Variants in DSCAM observed in about 807,000 individuals in gnomAD.
DSCAM encodes cell adhesion molecule DSCAM.
Under a neutral mutation model 217.7 loss-of-function variants are expected in DSCAM, and 47 were observed. The observed-to-expected ratio is 0.22, with a 90% CI of 0.17 to 0.28. The LOEUF is 0.28. Ranked by LOEUF, DSCAM falls within the 10% of genes least tolerant of loss-of-function variation. DSCAM has a pLI of 1.00. For synonymous variants in DSCAM, 1,056 were observed against 1,015.3 expected, an observed-to-expected ratio of 1.04 and a Z score of -0.76; for missense variants, 2,080 against 2,618.3, an observed-to-expected ratio of 0.79 and a Z score of 4.49.
chr21:40,239,192 G>C (rs1167835302), intron 11 of DSCAM, among the ~76,000 whole-genome samples: 1 of 152,006 alleles, frequency 6.6e-6, no homozygotes, highest in Non-Finnish European at 1.5e-5. Flanking sequence ...TAAATACCCG[G>C]ATACTTAAAG....
chr21:40,173,278 T>C (rs2090679012), intron 15 of DSCAM, among the ~76,000 whole-genome samples: 1 of 152,128 alleles, frequency 6.6e-6, no homozygotes, highest in Non-Finnish European at 1.5e-5. Context: ...TGAATTTTAA[T>C]AGGGTGGCCA....
chr21:40,300,189 T>G (rs2073999244), intron 9 of DSCAM, among the ~76,000 whole-genome samples: 1 of 152,196 alleles, frequency 6.6e-6, no homozygotes, highest in Non-Finnish European at 1.5e-5. Context: ...TCCCTTGGTG[T>G]GTAGAGCACC....
At chr21:40,504,274 T>C (rs1197677833) in intron 3 of DSCAM, among the ~76,000 whole-genome samples, 1 of 152,178 alleles carries the variant, frequency 6.6e-6, no homozygotes, top group Non-Finnish European at 1.5e-5. Flanking sequence ...ACCAAGTCTG[T>C]ACCAGGGATG....
chr21:40,760,766 A>G (rs1543291), intron 1 of DSCAM, among the ~76,000 whole-genome samples: 101,968 of 152,084 alleles, frequency 0.67, 34,397 homozygotes, highest in South Asian at 0.75. Context: ...CTCATGCCAT[A>G]TCTCTGGCTA....
chr21:40,266,639 A>C (rs1394069646), intron 11 of DSCAM, among the ~76,000 whole-genome samples: 1 of 108,728 alleles, frequency 9.2e-6, no homozygotes, highest in Non-Finnish European at 1.7e-5. Flanking sequence ...GATGTTTTAT[A>C]TATATATATA....
intron 3 of DSCAM, among the ~76,000 whole-genome samples, chr21:40,685,882 G>T (rs140345885): frequency 1.9e-3 from 289 of 152,234 alleles, no homozygotes; most frequent in African/African-American, 6.6e-3. Context: ...GCATTGTATT[G>T]TGGGAGAGGA....
intron 3 of DSCAM, among the ~76,000 whole-genome samples, chr21:40,398,637 C>CTTTTTT (rs538905441): frequency 1.5e-5 from 2 of 132,108 alleles, no homozygotes; most frequent in Non-Finnish European, 1.6e-5. Flanking sequence ...TTTTTTCTTT[C>CTTTTTT]TTTTTTTTTT....
chr21:40,362,339 T>C (rs1240241448), intron 4 of DSCAM, among the ~76,000 whole-genome samples: 1 of 152,216 alleles, frequency 6.6e-6, no homozygotes, highest in African/African-American at 2.4e-5. Context: ...TGCTTGTCCA[T>C]GTCATCATTT....
chr21:40,187,487 A>T (rs189797903), intron 13 of DSCAM, among the ~76,000 whole-genome samples: 1 of 152,350 alleles, frequency 6.6e-6, no homozygotes, highest in East Asian at 1.9e-4. Context: ...CCAAGCCTGG[A>T]GGATATAAAA....
At chr21:40,136,747 A>G (rs1466261648) in intron 18 of DSCAM, among the ~76,000 whole-genome samples, 1 of 152,082 alleles carries the variant, frequency 6.6e-6, no homozygotes, top group Non-Finnish European at 1.5e-5. Flanking sequence ...GGATCATTTC[A>G]CAATATAGGA....
At chr21:40,532,866 CTCTGTGTGTGTG>C (rs1163474575) in intron 3 of DSCAM, among the ~76,000 whole-genome samples, 3 of 103,778 alleles carry the variant, frequency 2.9e-5, no homozygotes, top group South Asian at 3.6e-4. Flanking sequence ...AGCCACAAGG[CTCTGTGTGTGTG>C]TGTGTGTGTG....
intron 32 of DSCAM, among the ~76,000 whole-genome samples, chr21:40,017,626 C>CGCCACA (rs1349689681): frequency 5.3e-5 from 8 of 150,788 alleles, no homozygotes; most frequent in African/African-American, 2.0e-4. Context: ...CAACTCGGTT[C>CGCCACA]GCCACAACCT....
chr21:40,798,447 A>G (rs1028856030), intron 1 of DSCAM, among the ~76,000 whole-genome samples: 62 of 152,258 alleles, frequency 4.1e-4, no homozygotes, highest in African/African-American at 1.4e-3. Context: ...GATTATACAT[A>G]CCTTTTAAAA....
At chr21:40,053,343 A>G (rs2088963637) in intron 29 of DSCAM, among the ~76,000 whole-genome samples, 1 of 152,188 alleles carries the variant, frequency 6.6e-6, no homozygotes, top group African/African-American at 2.4e-5. Context: ...CGTGGCGGTC[A>G]CTCGACTCCT....
Position 40,102,653 on chromosome 21 carries a change from A to T in DSCAM, c.3697-8779T>A, listed in dbSNP as rs191905295. ...TGTGTAAGATGCTTTTGACCAGTAA[A>T]TAAGATATAATTAGCCACAGTGAGG... On this transcript the variant is annotated intron_variant, in intron 20 of 32. Coordinates refer to ENST00000400454, the MANE Select transcript of DSCAM (RefSeq NM_001389.5). Among the ~76,000 whole-genome samples the T allele has an allele frequency of 2.2e-4, 33 of 152,302 alleles. No homozygotes were observed. The East Asian group carries it at 6.0e-3, about 28-fold the overall frequency.
At chr21:40,818,820 C>T (rs1219572119) in intron 1 of DSCAM, among the ~76,000 whole-genome samples, 1 of 152,074 alleles carries the variant, frequency 6.6e-6, no homozygotes, top group Non-Finnish European at 1.5e-5. Context: ...ATGTCTAAAA[C>T]ACAGCTGAAC....
intron 3 of DSCAM, among the ~76,000 whole-genome samples, chr21:40,604,375 A>C (rs2089203469): frequency 6.6e-6 from 1 of 152,092 alleles, no homozygotes; most frequent in African/African-American, 2.4e-5. Flanking sequence ...AATTCTGTTA[A>C]TCATAGTTAA....
At chr21:40,104,291 G>A (rs1054990112) in intron 20 of DSCAM, among the ~76,000 whole-genome samples, 4 of 152,076 alleles carry the variant, frequency 2.6e-5, no homozygotes, top group African/African-American at 9.7e-5. Flanking sequence ...AGAAATTAAT[G>A]AGAAACACAA....
Position 40,080,150 on chromosome 21 carries a change from A to G in DSCAM, c.4420+2T>C. ...TAAGAAGCGATGAGAAGGCATACCT[A>G]CCTTTTCCTAAGGTCTTTGCTTCTA... On this transcript the variant is annotated splice_donor_variant, in intron 25 of 32. Coordinates refer to ENST00000400454, the MANE Select transcript of DSCAM (RefSeq NM_001389.5). LOFTEE classifies it high-confidence loss of function. The G allele has an allele frequency of 6.5e-7, 1 of 1,531,430 alleles. No homozygotes were observed. The allele number at this position is 1,531,430 out of a possible 1,614,324, so 94.9% of individuals were successfully genotyped here.
Sources: gnomAD v4.1 joint callset for allele counts (sites outside exome capture counted in the v4.1 genomes callset) on GRCh38, gnomAD v4.1.1 for gene constraint, MANE v1.5 for transcripts, NCBI Gene and HGNC (gene_info 2026-07-23, HGNC 2026-07-21) for gene names.